Variants in RABGAP1L observed in about 807,000 individuals in gnomAD.
RABGAP1L encodes rab GTPase-activating protein 1-like.
Under a neutral mutation model 137.7 loss-of-function variants are expected in RABGAP1L, and 63 were observed. The observed-to-expected ratio is 0.46, with a 90% CI of 0.37 to 0.56. The LOEUF (loss-of-function observed/expected upper bound fraction) is 0.56, where lower values mean the gene tolerates loss of function less well. Ranked by LOEUF, RABGAP1L falls within the 20% of genes least tolerant of loss-of-function variation. The pLI is 0.00. For missense variants in RABGAP1L, 1,095 were observed against 1,244.0 expected, an observed-to-expected ratio of 0.88 and a Z score of 1.80; for synonymous variants, 431 against 433.7, an observed-to-expected ratio of 0.99 and a Z score of 0.08.
At chr1:174,659,042 A>G (rs968261270) in intron 14 of RABGAP1L, among the ~76,000 whole-genome samples, 1 of 152,206 alleles carries the variant, frequency 6.6e-6, no homozygotes, top group Non-Finnish European at 1.5e-5. Flanking sequence ...GCAGCTCCAT[A>G]TTCATTCCTG....
At chr1:174,901,229 G>T (rs1658093456) in intron 19 of RABGAP1L, among the ~76,000 whole-genome samples, 1 of 152,028 alleles carries the variant, frequency 6.6e-6, no homozygotes, top group African/African-American at 2.4e-5. Flanking sequence ...TGTTGCATTG[G>T]GTTATGTATT....
At chr1:174,624,568 T>A (rs958184762) in intron 13 of RABGAP1L, among the ~76,000 whole-genome samples, 2 of 152,190 alleles carry the variant, frequency 1.3e-5, no homozygotes, top group Non-Finnish European at 2.9e-5. Context: ...AATATATGAA[T>A]TAAATCATCT....
chr1:174,261,695 T>C (rs1268471682), intron 7 of RABGAP1L, among the ~76,000 whole-genome samples: 9 of 152,236 alleles, frequency 5.9e-5, no homozygotes. Flanking sequence ...TAGACCATTC[T>C]GAGGGTCTTT....
intron 19 of RABGAP1L, among the ~76,000 whole-genome samples, chr1:174,939,749 A>G (rs1174558547): frequency 6.6e-6 from 1 of 152,182 alleles, no homozygotes; most frequent in African/African-American, 2.4e-5. Context: ...TTTCTCATTT[A>G]GGTAACAAGA....
chr1:174,492,541 G>T (rs1000069119), intron 13 of RABGAP1L, among the ~76,000 whole-genome samples: 1 of 151,936 alleles, frequency 6.6e-6, no homozygotes, highest in Non-Finnish European at 1.5e-5. Context: ...GTAGAGACGG[G>T]GTTTCACTGT....
intron 13 of RABGAP1L, among the ~76,000 whole-genome samples, chr1:174,526,097 A>T (rs959501524): frequency 6.6e-6 from 1 of 152,030 alleles, no homozygotes; most frequent in African/African-American, 2.4e-5. Context: ...TTGTCTATTC[A>T]TGTCCTTTGC....
At chr1:174,852,446 G>A (rs936217205) in intron 19 of RABGAP1L, among the ~76,000 whole-genome samples, 1 of 152,184 alleles carries the variant, frequency 6.6e-6, no homozygotes, top group African/African-American at 2.4e-5. Flanking sequence ...TCAGGGACTT[G>A]TTGTAAGCCT....
At chr1:174,654,640 A>T (rs983831492) in intron 14 of RABGAP1L, among the ~76,000 whole-genome samples, 1 of 152,156 alleles carries the variant, frequency 6.6e-6, no homozygotes, top group South Asian at 2.1e-4. Context: ...TTTAAAAAAA[A>T]TATGGTGTTC....
intron 18 of RABGAP1L, among the ~76,000 whole-genome samples, chr1:174,800,936 G>GTTGTT (rs1688710368): frequency 6.6e-6 from 1 of 152,148 alleles, no homozygotes; most frequent in African/African-American, 2.4e-5. Flanking sequence ...CAATTTGATT[G>GTTGTT]TTGTTTTGTT....
intron 13 of RABGAP1L, among the ~76,000 whole-genome samples, chr1:174,426,874 T>C (rs1027012394): frequency 5.9e-5 from 9 of 152,118 alleles, no homozygotes; most frequent in Non-Finnish European, 1.3e-4. Context: ...CGTGTGTACC[T>C]AGTTATTTCA....
intron 1 of RABGAP1L, among the ~76,000 whole-genome samples, chr1:174,206,895 A>AT (rs1668540411): frequency 6.8e-6 from 1 of 146,048 alleles, no homozygotes; most frequent in Admixed American, 6.8e-5. Flanking sequence ...GTGGCATTAA[A>AT]GTAAGAATTA....
chr1:174,547,184 A>G (rs1666089626), intron 13 of RABGAP1L, among the ~76,000 whole-genome samples: 1 of 152,130 alleles, frequency 6.6e-6, no homozygotes, highest in Non-Finnish European at 1.5e-5. Context: ...TGATCTTGCT[A>G]GCTGTGATGT....
At chr1:174,819,537 A>G (rs1690801962) in intron 19 of RABGAP1L, among the ~76,000 whole-genome samples, 2 of 152,220 alleles carry the variant, frequency 1.3e-5, no homozygotes, top group Admixed American at 1.3e-4. Context: ...GAAGAGATAT[A>G]ATAAAGATAT....
At chr1:174,438,675 G>A (rs1228970774) in intron 13 of RABGAP1L, among the ~76,000 whole-genome samples, 1 of 145,982 alleles carries the variant, frequency 6.9e-6, no homozygotes, top group Non-Finnish European at 1.5e-5. Flanking sequence ...CCGAGATCAC[G>A]CCACTGCACT....
At chr1:174,374,468 C>T (rs1685354212) in intron 12 of RABGAP1L, among the ~76,000 whole-genome samples, 1 of 152,088 alleles carries the variant, frequency 6.6e-6, no homozygotes, top group South Asian at 2.1e-4. Context: ...TACACAACAC[C>T]TAAAACTAAT....
intron 9 of RABGAP1L, among the ~76,000 whole-genome samples, chr1:174,278,358 A>G (rs1424223997): frequency 6.6e-6 from 1 of 152,202 alleles, no homozygotes; most frequent in Non-Finnish European, 1.5e-5. Flanking sequence ...GTGAGCCAAG[A>G]TCGCTCCATT....
intron 13 of RABGAP1L, among the ~76,000 whole-genome samples, chr1:174,623,141 G>T (rs1180882983): frequency 6.6e-6 from 1 of 152,140 alleles, no homozygotes; most frequent in Non-Finnish European, 1.5e-5. Flanking sequence ...GTTATTTTTA[G>T]AAAGTTTTCA....
intron 19 of RABGAP1L, chr1:174,945,888 C>G (rs568184170): frequency 6.6e-6 from 1 of 152,028 alleles, no homozygotes; most frequent in Admixed American, 6.5e-5. Context: ...GCTTTTTTTT[C>G]AGAAGGCTGT....
chr1:174,431,558 G>A (rs1461922427), intron 13 of RABGAP1L, among the ~76,000 whole-genome samples: 1 of 152,114 alleles, frequency 6.6e-6, no homozygotes, highest in Admixed American at 6.6e-5. Flanking sequence ...ACCTTTATTT[G>A]CTCTTTGAGA....
Sources: allele counts gnomAD v4.1 joint callset (sites outside exome capture counted in the v4.1 genomes callset), GRCh38; gene constraint gnomAD v4.1.1; transcripts MANE v1.5; gene names NCBI Gene and HGNC (gene_info 2026-07-23, HGNC 2026-07-21).